The following RAB11FIP3 variants were observed in gnomAD, a reference collection of about 807,000 sequenced individuals.
RAB11FIP3 encodes the protein rab11 family-interacting protein 3.
In RAB11FIP3, 17 loss-of-function variants were observed where a neutral mutation model predicts 77.8. That is an observed-to-expected ratio of 0.22 (90% confidence interval 0.15 to 0.33). The LOEUF is 0.33. RAB11FIP3 is among the 10% of genes least tolerant of loss of function. The pLI, the probability that RAB11FIP3 is intolerant of heterozygous loss-of-function variation, is 1.00. For missense variants in RAB11FIP3, 1,005 were observed against 1,011.2 expected (o/e 0.99, Z 0.08); for synonymous variants, 437 against 448.2 (o/e 0.98, Z 0.31).
Position 426,381 on chromosome 16 carries a change from G to T in RAB11FIP3, c.375G>T (p.Trp125Cys). ...CAGAACTCGACCCGTTGTTCTCCTGGACTGAGGAGCCCGAGGAGTGTGGCC... is the reference window on the plus strand; with the variant it reads ...CAGAACTCGACCCGTTGTTCTCCTGTACTGAGGAGCCCGAGGAGTGTGGCC... ...PLPELDPLFS[W>C]TEEPEECGPA... The change falls in exon 1 of 14, where the codon TGG (tryptophan) becomes TGT (cysteine). Residue 125 changes from tryptophan (W) to cysteine (C), a missense_variant. Trp to Cys is a radical substitution (Grantham distance 215). Coordinates refer to ENST00000262305, the MANE Select transcript of RAB11FIP3 (RefSeq NM_014700.4). The surrounding 1 kb of genome is among the most constrained non-coding windows in gnomAD (Gnocchi z 5.0). 6.3e-7 allele frequency: 1 copy of T among 1,576,856 alleles called. No individual in the cohort carries two copies. The highest frequency in any genetic ancestry group is 8.6e-7 in the Non-Finnish European group (1 of 1,163,912).
At chr16:491,020 C>T (rs537758544) in intron 5 of RAB11FIP3, 190 of 953,988 alleles carry the variant, frequency 2.0e-4, no homozygotes, top group Non-Finnish European at 2.4e-4. Context: ...TCTCTCTCCA[C>T]GTGCTTTTGT....
intron 5 of RAB11FIP3, among the ~76,000 whole-genome samples, chr16:492,280 G>A (rs1003720938): frequency 2.6e-5 from 4 of 150,950 alleles, no homozygotes; most frequent in Non-Finnish European, 4.4e-5. Flanking sequence ...TGGGGGTGGG[G>A]CCCGGCACTG....
chr16:480,617 A>G (rs1029459361), intron 3 of RAB11FIP3, among the ~76,000 whole-genome samples: 9 of 152,066 alleles, frequency 5.9e-5, no homozygotes, highest in African/African-American at 2.2e-4. Context: ...CTTCTGCCTC[A>G]GTCTCCCGAG....
At chr16:458,873 T>C (rs1178717199) in intron 1 of RAB11FIP3, among the ~76,000 whole-genome samples, 1 of 152,172 alleles carries the variant, frequency 6.6e-6, no homozygotes, top group Non-Finnish European at 1.5e-5. Flanking sequence ...AAGTTTTCAT[T>C]ATGGAAGAGT....
At chr16:517,179 G>A (rs2032454598) in intron 9 of RAB11FIP3, among the ~76,000 whole-genome samples, 1 of 152,198 alleles carries the variant, frequency 6.6e-6, no homozygotes, top group Admixed American at 6.5e-5. Context: ...CGTGGGGGAC[G>A]CTCTACAGAC....
At chr16:496,472 G>A (rs567594590) in intron 5 of RAB11FIP3, among the ~76,000 whole-genome samples, 22 of 152,354 alleles carry the variant, frequency 1.4e-4, no homozygotes, top group Non-Finnish European at 2.5e-4. Context: ...GGGGGCCTCC[G>A]AAGGCCAAGC....
chr16:449,874 C>T (rs1295896612), intron 1 of RAB11FIP3, among the ~76,000 whole-genome samples: 1 of 121,820 alleles, frequency 8.2e-6, no homozygotes, highest in African/African-American at 2.6e-5. Flanking sequence ...TTGTTTGAAC[C>T]CGGGAAGCAG....
chr16:498,700 G>T (rs922029725), intron 6 of RAB11FIP3, among the ~76,000 whole-genome samples: 3 of 151,466 alleles, frequency 2.0e-5, no homozygotes, highest in Non-Finnish European at 4.4e-5. Context: ...TTAATTTTTT[G>T]TAGAGACAGG....
Position 522,045 on chromosome 16 carries a change from A to ATGTGTGCGTGCGTGCG in RAB11FIP3, c.*1206_*1207insTGTGTGCGTGCGTGCG, listed in dbSNP as rs138211568. On this transcript the variant is annotated 3_prime_UTR_variant, in exon 14 of 14. Coordinates refer to ENST00000262305, the MANE Select transcript of RAB11FIP3 (RefSeq NM_014700.4). Reference sequence around the variant, plus strand: ...GCTGCGTGTGTGTGCGCGCGCGTGTACGTGTGGCCCCACATCCGCCGCCTT... The same window carrying ATGTGTGCGTGCGTGCG: ...GCTGCGTGTGTGTGCGCGCGCGTGTATGTGTGCGTGCGTGCGCGTGTGGCCCCACATCCGCCGCCTT... 8.0e-3 allele frequency: 241 copies of ATGTGTGCGTGCGTGCG among 29,972 alleles called. 1 individual carries two copies. In the African/African-American group the frequency reaches 0.098, roughly 12 times the overall value. The allele number at this position is 29,972 out of a possible 1,614,324, so 1.9% of individuals were successfully genotyped here. A position where few individuals can be genotyped will look rare whatever the true frequency, so the allele number is the denominator to read the frequency against.
intron 9 of RAB11FIP3, among the ~76,000 whole-genome samples, chr16:518,377 G>A (rs1411706611): frequency 6.6e-6 from 1 of 152,102 alleles, no homozygotes; most frequent in Non-Finnish European, 1.5e-5. Flanking sequence ...CACTGTACTC[G>A]CCTTCAACTT....
chr16:435,002 G>A (rs528812312), intron 1 of RAB11FIP3, among the ~76,000 whole-genome samples: 60 of 152,204 alleles, frequency 3.9e-4, no homozygotes, highest in Non-Finnish European at 7.4e-4. Context: ...TCAAGAGATC[G>A]AGACTAGCCT....
intron 7 of RAB11FIP3, among the ~76,000 whole-genome samples, chr16:503,948 C>T (rs1390206230): frequency 7.3e-6 from 1 of 137,888 alleles, no homozygotes; most frequent in Admixed American, 7.3e-5. Flanking sequence ...TCCTCCTGTA[C>T]CCCTCATCTC....
At chr16:459,362 G>C (rs946245529) in intron 1 of RAB11FIP3, among the ~76,000 whole-genome samples, 3 of 151,516 alleles carry the variant, frequency 2.0e-5, no homozygotes, top group Admixed American at 2.0e-4. Context: ...CGGACCTCAG[G>C]TGATCCGCCT....
At position 426,484 on chromosome 16, in the gene RAB11FIP3, G is replaced by A; in HGVS notation, c.478G>A (p.Val160Ile). 6.3e-7 allele frequency: 1 copy of A among 1,580,426 alleles called. No individual in the cohort carries two copies. The highest frequency in any genetic ancestry group is 8.6e-7 in the Non-Finnish European group (1 of 1,164,216). ...SSHRARGEVD[V>I]FSPFPAPTAG... Reference sequence around the variant, plus strand: ...CCACCGAGCGCGGGGCGAGGTCGACGTCTTCTCTCCCTTCCCCGCGCCCAC... The same window carrying A: ...CCACCGAGCGCGGGGCGAGGTCGACATCTTCTCTCCCTTCCCCGCGCCCAC... The change falls in exon 1 of 14, where the codon GTC becomes ATC. Residue 160 changes from valine to isoleucine, a missense_variant. Val to Ile is a conservative substitution (Grantham distance 29). Coordinates refer to ENST00000262305, the MANE Select transcript of RAB11FIP3 (RefSeq NM_014700.4). The surrounding 1 kb of genome is among the most constrained non-coding windows in gnomAD (Gnocchi z 5.0).
chr16:499,507 C>T (rs2031366341), intron 6 of RAB11FIP3, among the ~76,000 whole-genome samples: 1 of 152,046 alleles, frequency 6.6e-6, no homozygotes, highest in Non-Finnish European at 1.5e-5. Context: ...ATAAAAAAAG[C>T]CCAATCTGAG....
At position 492,360 on chromosome 16, in the gene RAB11FIP3, T is replaced by TCCCGGGAGACCCGAGGCCGCCCAGGGCC; in HGVS notation, c.1265+3361_1265+3362insCCGGGAGACCCGAGGCCGCCCAGGGCCC. On this transcript the variant is annotated intron_variant, in intron 5 of 13. Transcript: ENST00000262305. The stretch of plus-strand genomic sequence containing the variant: ...AAGCAGAAGTGCTCTTTGAAGAGGG[T>TCCCGGGAGACCCGAGGCCGCCCAGGGCC]CTTCCCGGGAGACCCGAGGCCGCCC... 1.7e-3 allele frequency among the ~76,000 whole-genome samples: 44 copies of TCCCGGGAGACCCGAGGCCGCCCAGGGCC among 25,606 alleles called. 3 individuals carry two copies. Among genetic ancestry groups the TCCCGGGAGACCCGAGGCCGCCCAGGGCC allele is most frequent in the African/African-American group, 2.2e-3 (10 of 4,544 alleles). The allele number at this position is 25,606 out of a possible 152,430, so 16.8% of individuals were successfully genotyped here. A position where few individuals can be genotyped will look rare whatever the true frequency, so the allele number is the denominator to read the frequency against.
chr16:515,529 C>T (rs1385579124), intron 9 of RAB11FIP3, among the ~76,000 whole-genome samples: 4 of 150,926 alleles, frequency 2.7e-5, no homozygotes, highest in Non-Finnish European at 4.4e-5. Context: ...ACGGGCGACA[C>T]GCACCGGTGT....
At chr16:493,043 G>A (rs1249022299) in intron 5 of RAB11FIP3, among the ~76,000 whole-genome samples, 2 of 152,114 alleles carry the variant, frequency 1.3e-5, no homozygotes, top group African/African-American at 4.8e-5. Flanking sequence ...TTGAGGCCAG[G>A]AGTTTGAGAC....
At chr16:463,409 C>T (rs115654689) in intron 2 of RAB11FIP3, among the ~76,000 whole-genome samples, 6 of 146,902 alleles carry the variant, frequency 4.1e-5, no homozygotes, top group South Asian at 2.2e-4. Context: ...TCTGGGGAAA[C>T]GTGCTGTGTG....
Sources: gnomAD v4.1 joint callset for allele counts (sites outside exome capture counted in the v4.1 genomes callset) on GRCh38, gnomAD v4.1.1 for gene constraint, Gnocchi (gnomAD v3.1) non-coding constraint, MANE v1.5 for transcripts, NCBI Gene and HGNC (gene_info 2026-07-23, HGNC 2026-07-21) for gene names.